The following ZNF487 variants were observed in gnomAD, a reference collection of about 807,000 sequenced individuals.
ZNF487 encodes KRAB domain only 1.
ZNF487 carries 4 observed loss-of-function variants against 3.0 expected under a neutral mutation model. The observed-to-expected ratio is 1.35, with a 90% CI of 0.66 to 3.08. ZNF487 has a LOEUF of 3.08. ZNF487 is among the 30% of genes most tolerant of loss of function. The pLI is 0.01. For missense variants in ZNF487, 146 were observed against 98.7 expected, an observed-to-expected ratio of 1.48 and a Z score of -2.03; for synonymous variants, 55 against 34.6, an observed-to-expected ratio of 1.59 and a Z score of -2.06.
At chr10:43,459,002 A>G (rs1375541678) in intron 1 of ZNF487, among the ~76,000 whole-genome samples, 1 of 152,082 alleles carries the variant, frequency 6.6e-6, no homozygotes, top group Non-Finnish European at 1.5e-5. Flanking sequence ...GACTTGCTGG[A>G]TCTGCCTGGT....
At chr10:43,512,372 G>A in the ZNF487 span, among the ~76,000 whole-genome samples, 22 of 152,182 alleles carry the variant, frequency 1.4e-4, 1 homozygote, top group South Asian at 3.3e-3. Flanking sequence ...TGCCACTTCC[G>A]TTTGATGATG....
chr10:43,475,763 G>T lies in ZNF487; in HGVS notation c.-51G>T, dbSNP rs760579942. 4.6e-5 allele frequency: 36 copies of T among 780,844 alleles called. No homozygotes were observed. The African/African-American group carries it at 5.6e-4, about 12-fold the overall frequency. The allele number at this position is 780,844 out of a possible 1,614,324, so 48.4% of individuals were successfully genotyped here. A position where few individuals can be genotyped will look rare whatever the true frequency, so the allele number is the denominator to read the frequency against. On this transcript the variant is annotated 5_prime_UTR_variant, in exon 2 of 4. Transcript: ENST00000437590. The stretch of plus-strand genomic sequence containing the variant: ...TGATGTGGCTGTGGGCTTCACCCAG[G>T]AGGAGTGGCAGCATCTGGACTCTGC...
chr10:43,516,977 C>T, the ZNF487 span, among the ~76,000 whole-genome samples: 3 of 152,186 alleles, frequency 2.0e-5, 1 homozygote, highest in African/African-American at 7.2e-5. Flanking sequence ...CCAGGTTATC[C>T]ATGGGGTACC....
chr10:43,510,758 G>A, the ZNF487 span, among the ~76,000 whole-genome samples: 1 of 152,186 alleles, frequency 6.6e-6, no homozygotes, highest in African/African-American at 2.4e-5. Context: ...ATGTTGGTCA[G>A]GCTGGTCTCA....
chr10:43,496,983 A>G, the ZNF487 span, among the ~76,000 whole-genome samples: 1 of 152,282 alleles, frequency 6.6e-6, no homozygotes, highest in African/African-American at 2.4e-5. Flanking sequence ...AATAAATATA[A>G]TACACTTCCA....
the ZNF487 span, among the ~76,000 whole-genome samples, chr10:43,517,750 G>A: frequency 1.3e-5 from 2 of 152,290 alleles, no homozygotes; most frequent in African/African-American, 4.8e-5. Flanking sequence ...ATGTAGGATG[G>A]AGCCACACCC....
Position 43,482,190 on chromosome 10 carries a change from G to C in ZNF487, c.*268G>C. On this transcript the variant is annotated 3_prime_UTR_variant, in exon 4 of 4. Transcript: ENST00000437590. The stretch of plus-strand genomic sequence containing the variant: ...TGTAGTAGACATTTGGAAGTATTCT[G>C]CAAGAAGCCAAATTTCACTCAACAT... 1.2e-5 allele frequency: 6 copies of C among 511,514 alleles called. No individual in the cohort carries two copies. The highest frequency in any genetic ancestry group is 2.1e-5 in the Non-Finnish European group (6 of 283,858). The allele number at this position is 511,514 out of a possible 1,614,324, so 31.7% of individuals were successfully genotyped here.
At chr10:43,439,327 G>A (rs1589015812) in intron 1 of ZNF487, among the ~76,000 whole-genome samples, 1 of 152,172 alleles carries the variant, frequency 6.6e-6, no homozygotes, top group African/African-American at 2.4e-5. Context: ...ATGTGCCTAG[G>A]AGGTTGAGGC....
downstream of ZNF487, among the ~76,000 whole-genome samples, chr10:43,485,205 TATAATGCA>T (rs900311049): frequency 1.6e-4 from 24 of 152,320 alleles, no homozygotes; most frequent in African/African-American, 5.5e-4. Flanking sequence ...CAGCTTTATT[TATAATGCA>T]ATGTATGAGG....
chr10:43,490,968 C>G, the ZNF487 span, among the ~76,000 whole-genome samples: 1 of 130,342 alleles, frequency 7.7e-6, no homozygotes, highest in Admixed American at 8.7e-5. Flanking sequence ...GCCACCATGC[C>G]TGGCCTTTTT....
At chr10:43,519,668 A>T in the ZNF487 span, among the ~76,000 whole-genome samples, 1 of 152,110 alleles carries the variant, frequency 6.6e-6, no homozygotes, top group Non-Finnish European at 1.5e-5. Flanking sequence ...GAGTTTTACC[A>T]TATTGGCCAG....
the ZNF487 span, among the ~76,000 whole-genome samples, chr10:43,510,420 C>T: frequency 1.3e-5 from 2 of 152,286 alleles, no homozygotes; most frequent in East Asian, 1.9e-4. Context: ...CATGGTAATA[C>T]CAAGAGACAC....
chr10:43,467,818 GA>G lies in ZNF487; in HGVS notation c.-93-7889del, dbSNP rs548891339. On this transcript the variant is annotated intron_variant, in intron 1 of 3. Coordinates refer to ENST00000437590, the MANE Select transcript of ZNF487 (RefSeq NM_001355444.3). The stretch of plus-strand genomic sequence containing the variant: ...GGCAACAGAATGAGACTCTATCTCA[GA>G]AAAAAAAAAAAAAGAAAAGAAAAAT... 7.9e-4 allele frequency among the ~76,000 whole-genome samples: 98 copies of G among 124,792 alleles called. 1 individual carries two copies. Among genetic ancestry groups the G allele is most frequent in the East Asian group, 9.8e-4 (4 of 4,078 alleles). 81.9% of individuals were successfully genotyped at this position (124,792 alleles called of 152,430 possible).
intron 3 of ZNF487, among the ~76,000 whole-genome samples, chr10:43,479,281 G>T (rs1283387008): frequency 6.6e-6 from 1 of 151,728 alleles, no homozygotes; most frequent in Non-Finnish European, 1.5e-5. Flanking sequence ...TTTTTTAATT[G>T]AATGAAACTC....
chr10:43,439,949 T>C (rs1375773870), intron 1 of ZNF487, among the ~76,000 whole-genome samples: 1 of 152,062 alleles, frequency 6.6e-6, no homozygotes, highest in Non-Finnish European at 1.5e-5. Context: ...ATTTGCAAGA[T>C]GAAAATGTTC....
At chr10:43,471,032 G>A (rs1356883760) in intron 1 of ZNF487, among the ~76,000 whole-genome samples, 2 of 151,752 alleles carry the variant, frequency 1.3e-5, no homozygotes, top group Non-Finnish European at 2.9e-5. Context: ...CCATGTTGCC[G>A]ACCTTAACTT....
At chr10:43,442,106 T>C (rs1363934528) in intron 1 of ZNF487, among the ~76,000 whole-genome samples, 4 of 152,156 alleles carry the variant, frequency 2.6e-5, no homozygotes, top group East Asian at 3.9e-4. Context: ...ATGCCTGTAC[T>C]GTAGTCCTAG....
At chr10:43,520,900 G>C in the ZNF487 span, among the ~76,000 whole-genome samples, 1 of 152,188 alleles carries the variant, frequency 6.6e-6, no homozygotes, top group Non-Finnish European at 1.5e-5. Flanking sequence ...GTTGCCAATA[G>C]CAAATAGAAT....
rs1841390587 is a variant in ZNF487 at position 43,482,220 on chromosome 10, A to G, written c.*298A>G. The G allele has an allele frequency of 6.5e-6, 3 of 459,310 alleles. No homozygotes were observed. The highest frequency in any genetic ancestry group is 1.2e-5 in the Non-Finnish European group (3 of 250,994). The allele number at this position is 459,310 out of a possible 1,614,324, so 28.5% of individuals were successfully genotyped here. Reference sequence around the variant, plus strand: ...AAGCCAAATTTCACTCAACATCAAGAAACACATATAGGAAAGAATGCCTAT... The same window carrying G: ...AAGCCAAATTTCACTCAACATCAAGGAACACATATAGGAAAGAATGCCTAT... On this transcript the variant is annotated 3_prime_UTR_variant, in exon 4 of 4. Coordinates refer to ENST00000437590, the MANE Select transcript of ZNF487 (RefSeq NM_001355444.3).
Sources: gnomAD v4.1 joint callset for allele counts (sites outside exome capture counted in the v4.1 genomes callset) on GRCh38, gnomAD v4.1.1 for gene constraint, MANE v1.5 for transcripts, NCBI Gene and HGNC (gene_info 2026-07-23, HGNC 2026-07-21) for gene names.